The following CDSN variants were observed in gnomAD, a reference collection of about 807,000 sequenced individuals.
CDSN encodes the protein corneodesmosin.
Under a neutral mutation model 25.6 loss-of-function variants are expected in CDSN, and 11 were observed. That is an observed-to-expected ratio of 0.43 (90% CI 0.27 to 0.71). The LOEUF (loss-of-function observed/expected upper bound fraction) is 0.71. Ranked by LOEUF, CDSN falls within the 30% of genes least tolerant of loss-of-function variation. The probability of loss-of-function intolerance (pLI) is 0.20; values close to 1 mark genes in which losing one functional copy is unlikely to be tolerated. For missense variants in CDSN, 598 were observed against 670.9 expected (o/e 0.89, Z 1.20); for synonymous variants, 266 against 267.4 (o/e 0.99, Z 0.05).
At chr6:31,117,837 G>A (rs927057161) in intron 1 of CDSN, 3 of 390,902 alleles carry the variant, frequency 7.7e-6, no homozygotes, top group Non-Finnish European at 1.4e-5. Flanking sequence ...AGTGGCTCAC[G>A]CCGGTAATCC....
In CDSN at chr6:31,116,997, G is replaced by A. The variant is rs992757289; in HGVS notation, c.618C>T (p.Ser206=). ...SSSSQTFGVS[S]SGQSVSSNQR... is the part of the protein sequence containing the mutation. ...GGTTGGAGCTGACGCTTTGGCCACT[G>A]CTGGATACCCCAAAGGTCTGGGAAG... The change falls in exon 2 of 2, where the codon AGC becomes AGT. Residue 206 remains serine, a synonymous_variant. Transcript: ENST00000376288. 1 of 1,614,230 alleles carries A rather than the reference G, an allele frequency of 6.2e-7. No homozygotes were observed. The highest frequency in any genetic ancestry group is 8.5e-7 in the Non-Finnish European group (1 of 1,180,032).
chr6:31,118,850 T>G (rs1228076791), intron 1 of CDSN: 3 of 144,830 alleles, frequency 2.1e-5, no homozygotes, highest in Non-Finnish European at 4.6e-5. Context: ...CTTCTTTTTT[T>G]TTTTTTTTTT....
Position 31,115,950 on chromosome 6 carries a change from G to T in CDSN, c.*75C>A. 1 of 1,349,958 alleles carries T rather than the reference G, an allele frequency of 7.4e-7. No individual in the cohort carries two copies. Among genetic ancestry groups the T allele is most frequent in the Non-Finnish European group, 1.1e-6 (1 of 945,762 alleles). The allele number at this position is 1,349,958 out of a possible 1,614,324, so 83.6% of individuals were successfully genotyped here. A position where few individuals can be genotyped will look rare whatever the true frequency, so the allele number is the denominator to read the frequency against. ...TGAGCTAACCCTATGCCTGGGCACT[G>T]GACTTCTCCCATATGGGATATAGTG... is the stretch of plus-strand genomic sequence containing the variant. On this transcript the variant is annotated 3_prime_UTR_variant, in exon 2 of 2. Coordinates refer to ENST00000376288, the MANE Select transcript of CDSN (RefSeq NM_001264.5). The surrounding 1 kb of genome is among the most constrained non-coding windows in gnomAD (Gnocchi z 4.2).
At position 31,116,467 on chromosome 6, in the gene CDSN, C is replaced by T. The variant is rs193021253; in HGVS notation, c.1148G>A (p.Gly383Asp). The T allele has an allele frequency of 7.7e-4, 1,235 of 1,597,826 alleles. 2 individuals carry two copies. Among genetic ancestry groups the T allele is most frequent in the Non-Finnish European group, 7.2e-4 (840 of 1,171,956 alleles). Reference sequence around the variant, plus strand: ...GCAGGGTCCCTTGGAGCCCGTGGAGCCGCCTCCACAGAGCTGGACCCCACC... The same window carrying T: ...GCAGGGTCCCTTGGAGCCCGTGGAGTCGCCTCCACAGAGCTGGACCCCACC... The part of the protein sequence containing the change: ...GTGGVQLCGG[G>D]STGSKGPCSP... Residue 383 changes from glycine (G) to aspartate (D), a missense_variant, in exon 2 of 2, where the codon GGC (glycine) becomes GAC (aspartate). Physicochemically the swap from Gly to Asp is moderately conservative, Grantham distance 94 (BLOSUM62 -1). Coordinates refer to ENST00000376288, the MANE Select transcript of CDSN (RefSeq NM_001264.5).
chr6:31,115,963 A>G lies in CDSN; in HGVS notation c.*62T>C. ...TGCCTGGGCACTGGACTTCTCCCAT[A>G]TGGGATATAGTGTATGTGCTTGTTT... On this transcript the variant is annotated 3_prime_UTR_variant, in exon 2 of 2. Transcript: ENST00000376288. The surrounding 1 kb of genome is among the most constrained non-coding windows in gnomAD (Gnocchi z 4.2). The G allele has an allele frequency of 1.4e-6, 2 of 1,442,388 alleles. No individual in the cohort carries two copies. The highest frequency in any genetic ancestry group is 1.7e-5 in the Admixed American group (1 of 59,566). 89.3% of individuals were successfully genotyped at this position (1,442,388 alleles called of 1,614,324 possible).
chr6:31,115,728 A>C lies in CDSN; in HGVS notation c.*297T>G. The C allele has an allele frequency of 2.1e-6, 1 of 483,536 alleles. No individual in the cohort carries two copies. The highest frequency in any genetic ancestry group is 3.8e-5 in the South Asian group (1 of 26,402). The allele number at this position is 483,536 out of a possible 1,614,324, so 30.0% of individuals were successfully genotyped here. On this transcript the variant is annotated 3_prime_UTR_variant, in exon 2 of 2. Coordinates refer to ENST00000376288, the MANE Select transcript of CDSN (RefSeq NM_001264.5). This position sits in a 1 kb window ranked among gnomAD's most constrained non-coding sequence, Gnocchi z 4.2. ...ACTCAATGGACCATTTCCACACAGT[A>C]GAGGGAATTGTAAGGGGTGGTGATC...
At position 31,116,822 on chromosome 6, in the gene CDSN, G is replaced by C. The variant is rs759141071; in HGVS notation, c.793C>G (p.Pro265Ala). The C allele has an allele frequency of 1.9e-5, 30 of 1,613,860 alleles. No individual in the cohort carries two copies. The highest frequency in any genetic ancestry group is 2.5e-5 in the Non-Finnish European group (29 of 1,179,986). The change falls in exon 2 of 2, where the codon CCT (proline) becomes GCT (alanine). Residue 265 changes from proline (P) to alanine (A), a missense_variant. Pro to Ala is a conservative substitution (Grantham distance 27, BLOSUM62 -1). Coordinates refer to ENST00000376288, the MANE Select transcript of CDSN (RefSeq NM_001264.5). Reference sequence around the variant, plus strand: ...CAGGGGGGACCTTGAACCACTCCAGGGGCACCAGAACCGTGCTGGTCCACC... The same window carrying C: ...CAGGGGGGACCTTGAACCACTCCAGCGGCACCAGAACCGTGCTGGTCCACC... ...VVVDQHGSGA[P>A]GVVQGPPCSN...
rs1772053904 is a variant in CDSN at position 31,115,413 on chromosome 6, G to A, written c.*612C>T. ...GGAAGTGGCCACAGGAAGGGGCTGAGATAAGGGCCTTGAGAGGCAATGGGT... is the reference window on the plus strand; with the variant it reads ...GGAAGTGGCCACAGGAAGGGGCTGAAATAAGGGCCTTGAGAGGCAATGGGT... On this transcript the variant is annotated 3_prime_UTR_variant, in exon 2 of 2. Coordinates refer to ENST00000376288, the MANE Select transcript of CDSN (RefSeq NM_001264.5). This position sits in a 1 kb window ranked among gnomAD's most constrained non-coding sequence, Gnocchi z 4.2. The A allele has an allele frequency of 5.8e-6, 1 of 172,316 alleles. No homozygotes were observed. Among genetic ancestry groups the A allele is most frequent in the Admixed American group, 5.4e-5 (1 of 18,452 alleles). The allele number at this position is 172,316 out of a possible 1,614,324, so 10.7% of individuals were successfully genotyped here. A position where few individuals can be genotyped will look rare whatever the true frequency, so the allele number is the denominator to read the frequency against.
chr6:31,117,532 G>A lies in CDSN; in HGVS notation c.86-3C>T, dbSNP rs1196569480. Reference sequence around the variant, plus strand: ...GCCAATGCTCTTAGCCAAGGTCCCTGTGGAGGAAAGCAGTGGTTAGTAAGG... The same window carrying A: ...GCCAATGCTCTTAGCCAAGGTCCCTATGGAGGAAAGCAGTGGTTAGTAAGG... On this transcript the variant is annotated splice_region_variant and splice_polypyrimidine_tract_variant and intron_variant, in intron 1 of 1. Coordinates refer to ENST00000376288, the MANE Select transcript of CDSN (RefSeq NM_001264.5). 6.5e-7 allele frequency: 1 copy of A among 1,549,736 alleles called. No homozygotes were observed. Among genetic ancestry groups the A allele is most frequent in the Admixed American group, 2.0e-5 (1 of 51,012 alleles).
At position 31,115,713 on chromosome 6, in the gene CDSN, C is replaced by T. The variant is rs766931473; in HGVS notation, c.*312G>A. The stretch of plus-strand genomic sequence containing the variant: ...GCTGATGGGGGTGTTACTCAATGGA[C>T]CATTTCCACACAGTAGAGGGAATTG... On this transcript the variant is annotated 3_prime_UTR_variant, in exon 2 of 2. Transcript: ENST00000376288. This position sits in a 1 kb window ranked among gnomAD's most constrained non-coding sequence, Gnocchi z 4.2. 9 of 422,310 alleles carry T rather than the reference C, an allele frequency of 2.1e-5. No individual in the cohort carries two copies. The highest frequency in any genetic ancestry group is 3.0e-5 in the Non-Finnish European group (7 of 237,210). The allele number at this position is 422,310 out of a possible 1,614,324, so 26.2% of individuals were successfully genotyped here.
intron 1 of CDSN, chr6:31,118,600 C>G (rs3130989): frequency 0.35 from 52,851 of 152,120 alleles, 9,616 homozygotes; most frequent in South Asian, 0.54. Context: ...TTCCTTTGCT[C>G]AAAACCCCAG....
Position 31,120,403 on chromosome 6 carries a change from G to T in CDSN, c.17C>A (p.Ala6Glu). The T allele has an allele frequency of 6.3e-7, 1 of 1,589,734 alleles. No individual in the cohort carries two copies. Among genetic ancestry groups the T allele is most frequent in the Non-Finnish European group, 8.6e-7 (1 of 1,168,708 alleles). Reference sequence around the variant, plus strand: ...CCCACCCACACGCCCCATCCAGGGTGCCCGAGACGAGCCCATCTCGGACTG... The same window carrying T: ...CCCACCCACACGCCCCATCCAGGGTTCCCGAGACGAGCCCATCTCGGACTG... MGSSR[A>E]PWMGRVGGHG... The change falls in exon 1 of 2, where the codon GCA (alanine) becomes GAA (glutamate). Residue 6 changes from alanine to glutamate, a missense_variant. Transcript: ENST00000376288.
Position 31,116,235 on chromosome 6 carries a change from C to T in CDSN, c.1380G>A (p.Met460Ile). Residue 460 changes from methionine (M) to isoleucine (I), a missense_variant, in exon 2 of 2, where the codon ATG becomes ATA. Coordinates refer to ENST00000376288, the MANE Select transcript of CDSN (RefSeq NM_001264.5). ...SKSSSSGHPCMSVSSLTLTGG... is the reference protein window; with the variant it reads ...SKSSSSGHPCISVSSLTLTGG... ...CAGTCAGTGTCAAGGAGGAGACAGA[C>T]ATGCAAGGGTGACCAGAAGAGCTGG... is the stretch of plus-strand genomic sequence containing the variant. 1.2e-6 allele frequency: 2 copies of T among 1,614,008 alleles called. No individual in the cohort carries two copies. The highest frequency in any genetic ancestry group is 1.7e-6 in the Non-Finnish European group (2 of 1,179,948).
At chr6:31,117,642 G>T in intron 1 of CDSN, 113 bp from the exon 2 acceptor site, 2 of 879,620 alleles carry the variant, frequency 2.3e-6, no homozygotes, top group Non-Finnish European at 3.7e-6. Flanking sequence ...AGAGCGCAGG[G>T]AGAGTTTAGG....
Position 31,116,134 on chromosome 6 carries a change from A to C in CDSN, c.1481T>G (p.Ile494Ser). Residue 494 changes from isoleucine to serine, a missense_variant, in exon 2 of 2, where the codon ATC becomes AGC. Ile to Ser is a moderately radical substitution (Grantham distance 142, BLOSUM62 -2). Transcript: ENST00000376288. ...GATATCCCGGATGGAGCGGCAGGGG[A>C]TCTTTCCAGCACTGCTGGAGCCACA... ...KPCGSSSAGK[I>S]PCRSIRDILA... 6.2e-7 allele frequency: 1 copy of C among 1,610,638 alleles called. No homozygotes were observed. Among genetic ancestry groups the C allele is most frequent in the South Asian group, 1.1e-5 (1 of 90,954 alleles).
chr6:31,120,223 C>T, intron 1 of CDSN, 112 bp downstream of exon 1: 1 of 832,118 alleles, frequency 1.2e-6, no homozygotes. Flanking sequence ...TGAGGAGCAA[C>T]CCCCAGACTC....
Position 31,116,232 on chromosome 6 carries a change from A to G in CDSN, c.1383T>C (p.Ser461=). 1.9e-6 allele frequency: 3 copies of G among 1,614,070 alleles called. No individual in the cohort carries two copies. Among genetic ancestry groups the G allele is most frequent in the Non-Finnish European group, 2.5e-6 (3 of 1,179,960 alleles). The change falls in exon 2 of 2, where the codon TCT becomes TCC. Residue 461 remains serine, a synonymous_variant. Coordinates refer to ENST00000376288, the MANE Select transcript of CDSN (RefSeq NM_001264.5). ...CCCCAGTCAGTGTCAAGGAGGAGAC[A>G]GACATGCAAGGGTGACCAGAAGAGC... ...KSSSSGHPCM[S]VSSLTLTGGP...
Position 31,117,606 on chromosome 6 carries a change from A to C in CDSN, c.86-77T>G. Reference sequence around the variant, plus strand: ...CTCACCTTTCTGCCTTATCTCAGTCATCGGCCTCTCGGGTTTCTCCCAAGC... The same window carrying C: ...CTCACCTTTCTGCCTTATCTCAGTCCTCGGCCTCTCGGGTTTCTCCCAAGC... On this transcript the variant is annotated intron_variant, in intron 1 of 1. Coordinates refer to ENST00000376288, the MANE Select transcript of CDSN (RefSeq NM_001264.5). 13 of 1,250,568 alleles carry C rather than the reference A, an allele frequency of 1.0e-5. No homozygotes were observed. In the Middle Eastern group the frequency reaches 2.6e-3, roughly 254 times the overall value. 77.5% of individuals were successfully genotyped at this position (1,250,568 alleles called of 1,614,324 possible).
At position 31,117,164 on chromosome 6, in the gene CDSN, T is replaced by TGCCCGAGTGAGAGCC. The variant is rs1174640748; in HGVS notation, c.450_451insGGCTCTCACTCGGGC (p.Ser150_Ser151insGlySerHisSerGly). 1.1e-5 allele frequency: 17 copies of TGCCCGAGTGAGAGCC among 1,606,308 alleles called. No individual in the cohort carries two copies. The East Asian group carries it at 2.2e-4, about 21-fold the overall frequency. On this transcript the variant is annotated inframe_insertion, in exon 2 of 2. Transcript: ENST00000376288. Reference sequence around the variant, plus strand: ...CTGCTGCTGCTCGAATGAGAGCTGCTGCTTCCCGAGTGAGAGCCGCTGTTT... The same window carrying TGCCCGAGTGAGAGCC: ...CTGCTGCTGCTCGAATGAGAGCTGCTGCCCGAGTGAGAGCCGCTTCCCGAGTGAGAGCCGCTGTTT...
Sources: allele counts gnomAD v4.1 joint callset, GRCh38; gene constraint gnomAD v4.1.1; non-coding constraint Gnocchi (gnomAD v3.1); transcripts MANE v1.5; gene names NCBI Gene and HGNC (gene_info 2026-07-23, HGNC 2026-07-21).